The following RXFP1 variants were observed in gnomAD, a reference collection of about 807,000 sequenced individuals.
The protein encoded by RXFP1 is relaxin receptor 1.
Under a neutral mutation model 89.8 loss-of-function variants are expected in RXFP1, and 73 were observed. The ratio of observed to expected loss-of-function variants is 0.81; its 90% confidence interval spans 0.67 to 0.99. The LOEUF (loss-of-function observed/expected upper bound fraction) is 0.99, where lower values mean the gene tolerates loss of function less well. RXFP1 is among the 50% of genes least tolerant of loss of function. The pLI, the probability that RXFP1 is intolerant of heterozygous loss-of-function variation, is 0.00. For missense variants in RXFP1, 793 were observed against 895.5 expected, an observed-to-expected ratio of 0.89 and a Z score of 1.46; for synonymous variants, 277 against 305.5, an observed-to-expected ratio of 0.91 and a Z score of 0.97.
At position 158,626,893 on chromosome 4, in the gene RXFP1, T is replaced by TAAGTAATATGCTATGCTTTTG. The variant is rs1766960058; in HGVS notation, c.827+12_827+32dup. On this transcript the variant is annotated splice_region_variant and intron_variant, in intron 10 of 17. Coordinates refer to ENST00000307765, the MANE Select transcript of RXFP1 (RefSeq NM_021634.4). ...TTCCTGCAGTAATTTAACTGTTTTG[T>TAAGTAATATGCTATGCTTTTG]AAGTAATATGCTATGCTTTTGAAGT... The TAAGTAATATGCTATGCTTTTG allele has an allele frequency of 7.2e-7, 1 of 1,397,292 alleles. No homozygotes were observed. 86.6% of individuals were successfully genotyped at this position (1,397,292 alleles called of 1,614,324 possible). A position where few individuals can be genotyped will look rare whatever the true frequency, so the allele number is the denominator to read the frequency against.
chr4:158,592,729 G>A (rs916189516), intron 2 of RXFP1, among the ~76,000 whole-genome samples: 1 of 152,108 alleles, frequency 6.6e-6, no homozygotes, highest in East Asian at 1.9e-4. Flanking sequence ...ATTTGGATAT[G>A]TCTAAAATAC....
At chr4:158,620,814 T>A (rs1227386400) in intron 9 of RXFP1, among the ~76,000 whole-genome samples, 2 of 152,104 alleles carry the variant, frequency 1.3e-5, no homozygotes, top group African/African-American at 2.4e-5. Flanking sequence ...AGTCAAAGGA[T>A]GTCATTTAAA....
chr4:158,543,637 A>G (rs1303267442), intron 1 of RXFP1: 1 of 433,382 alleles, frequency 2.3e-6, no homozygotes, highest in Non-Finnish European at 3.1e-6. Flanking sequence ...CCCAGTCAGT[A>G]TTTATATTTA....
chr4:158,574,961 G>A (rs1246149558), intron 2 of RXFP1, among the ~76,000 whole-genome samples: 1 of 152,074 alleles, frequency 6.6e-6, no homozygotes, highest in Non-Finnish European at 1.5e-5. Flanking sequence ...ACAGTGTTTT[G>A]CCCACTGCTA....
chr4:158,589,242 A>G (rs1352917873), intron 2 of RXFP1, among the ~76,000 whole-genome samples: 1 of 152,148 alleles, frequency 6.6e-6, no homozygotes, highest in African/African-American at 2.4e-5. Context: ...CCCACCCTTA[A>G]CAAGTGGGTA....
chr4:158,557,643 C>T (rs773598617), intron 1 of RXFP1, among the ~76,000 whole-genome samples: 6 of 152,122 alleles, frequency 3.9e-5, no homozygotes, highest in Non-Finnish European at 7.4e-5. Context: ...GGCTTACAGG[C>T]GTAAGCCACT....
chr4:158,575,799 A>G (rs1756061674), intron 2 of RXFP1, among the ~76,000 whole-genome samples: 1 of 152,278 alleles, frequency 6.6e-6, no homozygotes, highest in African/African-American at 2.4e-5. Context: ...ACAATAGGAC[A>G]TGAAATTAGC....
chr4:158,564,675 T>G (rs1416187566), intron 1 of RXFP1, among the ~76,000 whole-genome samples: 1 of 151,468 alleles, frequency 6.6e-6, no homozygotes, highest in Admixed American at 6.6e-5. Context: ...AAAACAGCAT[T>G]CAGGGCAGAT....
chr4:158,573,365 G>A (rs1755545132), intron 2 of RXFP1, among the ~76,000 whole-genome samples: 1 of 152,164 alleles, frequency 6.6e-6, no homozygotes, highest in South Asian at 2.1e-4. Context: ...GGCGAGTGGT[G>A]GTTGCTCACA....
At chr4:158,569,841 C>G (rs1007949237) in intron 1 of RXFP1, among the ~76,000 whole-genome samples, 13 of 151,940 alleles carry the variant, frequency 8.6e-5, no homozygotes, top group African/African-American at 3.1e-4. Flanking sequence ...TTAAAGCATT[C>G]GAAACAATTG....
At chr4:158,595,992 A>G (rs1760504089) in intron 3 of RXFP1, among the ~76,000 whole-genome samples, 1 of 151,886 alleles carries the variant, frequency 6.6e-6, no homozygotes, top group African/African-American at 2.4e-5. Flanking sequence ...TCTCCAAAAA[A>G]AAAAAAAAAA....
intron 1 of RXFP1, among the ~76,000 whole-genome samples, chr4:158,527,364 G>A (rs1471584082): frequency 6.6e-6 from 1 of 151,364 alleles, no homozygotes; most frequent in African/African-American, 2.4e-5. Flanking sequence ...CCAACATGGC[G>A]AAACCCCGTC....
rs184337312 is a variant in RXFP1, at chr4:158,592,555, C to T, written c.188-846C>T. On this transcript the variant is annotated intron_variant, in intron 2 of 17. Coordinates refer to ENST00000307765, the MANE Select transcript of RXFP1 (RefSeq NM_021634.4). ...TGCCATTGCCCTCCAGCCTGGGCTA[C>T]GGGAGCAAAACTCCATCTCAAAAAT... 1.3e-4 allele frequency among the ~76,000 whole-genome samples: 20 copies of T among 152,078 alleles called. No individual in the cohort carries two copies. In the East Asian group the frequency reaches 3.7e-3, roughly 28 times the overall value.
chr4:158,635,452 A>G (rs527652507), intron 12 of RXFP1, among the ~76,000 whole-genome samples: 5 of 152,348 alleles, frequency 3.3e-5, no homozygotes, highest in African/African-American at 1.2e-4. Flanking sequence ...ATAAGATTAC[A>G]TCACCTGTAA....
intron 1 of RXFP1, among the ~76,000 whole-genome samples, chr4:158,545,296 G>T (rs1331054902): frequency 6.6e-6 from 1 of 151,998 alleles, no homozygotes. Flanking sequence ...TGATGGGGTT[G>T]TTTGTTTTTT....
chr4:158,603,200 C>T (rs993635243), intron 4 of RXFP1, among the ~76,000 whole-genome samples: 2 of 152,132 alleles, frequency 1.3e-5, no homozygotes, highest in African/African-American at 4.8e-5. Flanking sequence ...ACCTTGGTCT[C>T]CCAAAGTACT....
chr4:158,545,617 A>G (rs1162289664), intron 1 of RXFP1, among the ~76,000 whole-genome samples: 1 of 152,134 alleles, frequency 6.6e-6, no homozygotes, highest in East Asian at 1.9e-4. Context: ...ATCTTGAATT[A>G]ATTTTTGTAT....
intron 16 of RXFP1, among the ~76,000 whole-genome samples, chr4:158,647,449 A>G (rs1771788010): frequency 6.6e-6 from 1 of 152,244 alleles, no homozygotes; most frequent in Non-Finnish European, 1.5e-5. Context: ...ATATGAACAT[A>G]ATGATATTTA....
chr4:158,544,490 G>A lies in RXFP1; in HGVS notation c.49+22465G>A, dbSNP rs1747690107. 4 of 366,678 alleles carry A rather than the reference G, an allele frequency of 1.1e-5. No homozygotes were observed. The Admixed American group carries it at 2.6e-4, about 24-fold the overall frequency. 22.7% of individuals were successfully genotyped at this position (366,678 alleles called of 1,614,324 possible). A position where few individuals can be genotyped will look rare whatever the true frequency, so the allele number is the denominator to read the frequency against. On this transcript the variant is annotated intron_variant, in intron 1 of 17. Transcript: ENST00000307765. Reference sequence around the variant, plus strand: ...ATACTTTAAGTTTTAGGGTACATGTGCACAATGTGCAGGTTTGTTACATAT... The same window carrying A: ...ATACTTTAAGTTTTAGGGTACATGTACACAATGTGCAGGTTTGTTACATAT...
Sources: allele counts gnomAD v4.1 joint callset (sites outside exome capture counted in the v4.1 genomes callset), GRCh38; gene constraint gnomAD v4.1.1; transcripts MANE v1.5; gene names NCBI Gene and HGNC (gene_info 2026-07-23, HGNC 2026-07-21).